The following SLC24A2 variants were observed in gnomAD, a reference collection of about 807,000 sequenced individuals.
SLC24A2 encodes the protein solute carrier family 24 member 2, also known as sodium/potassium/calcium exchanger 2.
SLC24A2 carries 36 observed loss-of-function variants against 62.0 expected under a neutral mutation model. The observed-to-expected ratio is 0.58, with a 90% CI of 0.44 to 0.77. The LOEUF (loss-of-function observed/expected upper bound fraction) is 0.77, where lower values mean the gene tolerates loss of function less well. Ranked by LOEUF, SLC24A2 falls within the 30% of genes least tolerant of loss-of-function variation. The pLI is 0.00. For synonymous variants in SLC24A2, 358 were observed against 294.0 expected, an observed-to-expected ratio of 1.22 and a Z score of -2.23; for missense variants, 846 against 817.9, an observed-to-expected ratio of 1.03 and a Z score of -0.42.
the SLC24A2 span, among the ~76,000 whole-genome samples, chr9:20,144,839 T>C: frequency 6.6e-6 from 1 of 152,000 alleles, no homozygotes; most frequent in African/African-American, 2.4e-5. Context: ...GAAATGTTAG[T>C]TTAAAAAAAA....
the SLC24A2 span, among the ~76,000 whole-genome samples, chr9:20,019,712 T>G: frequency 2.0e-5 from 3 of 152,162 alleles, no homozygotes; most frequent in Admixed American, 6.5e-5. Flanking sequence ...AAAGCCAAAA[T>G]TGACAAATGG....
At chr9:20,036,750 C>T in the SLC24A2 span, among the ~76,000 whole-genome samples, 4 of 151,818 alleles carry the variant, frequency 2.6e-5, no homozygotes, top group East Asian at 1.9e-4. Flanking sequence ...TATAGGATGC[C>T]GGAGGATACC....
the SLC24A2 span, among the ~76,000 whole-genome samples, chr9:20,071,111 C>T: frequency 6.6e-6 from 1 of 152,158 alleles, no homozygotes; most frequent in African/African-American, 2.4e-5. Flanking sequence ...TGCCTTCCAC[C>T]ATGATTGGAA....
At chr9:20,047,210 C>T in the SLC24A2 span, among the ~76,000 whole-genome samples, 1 of 152,122 alleles carries the variant, frequency 6.6e-6, no homozygotes, top group East Asian at 1.9e-4. Context: ...TTGAGAACAC[C>T]AGCTTTGGAG....
the SLC24A2 span, among the ~76,000 whole-genome samples, chr9:20,080,919 C>T: frequency 6.6e-6 from 1 of 152,046 alleles, no homozygotes; most frequent in African/African-American, 2.4e-5. Context: ...AAATCAAAAC[C>T]ACAATGAGAT....
intron 2 of SLC24A2, among the ~76,000 whole-genome samples, chr9:19,778,187 T>C (rs1402678584): frequency 2.0e-5 from 3 of 152,198 alleles, no homozygotes; most frequent in South Asian, 2.1e-4. Context: ...CCCTAAAATG[T>C]TGGAATATTA....
chr9:19,939,618 T>A, the SLC24A2 span, among the ~76,000 whole-genome samples: 23 of 152,192 alleles, frequency 1.5e-4, no homozygotes, highest in Admixed American at 5.2e-4. Flanking sequence ...CGGTAGACTT[T>A]ATAAATACTG....
chr9:20,278,815 C>T, the SLC24A2 span, among the ~76,000 whole-genome samples: 3 of 152,156 alleles, frequency 2.0e-5, no homozygotes, highest in African/African-American at 7.2e-5. Context: ...CATATCTTTA[C>T]AACAGTACCC....
At chr9:20,290,096 A>G in the SLC24A2 span, among the ~76,000 whole-genome samples, 1 of 152,160 alleles carries the variant, frequency 6.6e-6, no homozygotes, top group South Asian at 2.1e-4. Context: ...CAACCCCAAC[A>G]CAAACCCACC....
At chr9:20,073,899 T>C in the SLC24A2 span, among the ~76,000 whole-genome samples, 1 of 141,828 alleles carries the variant, frequency 7.1e-6, no homozygotes, top group Non-Finnish European at 1.5e-5. Flanking sequence ...TACACACATA[T>C]ATATATATCC....
chr9:19,539,560 G>C (rs536845540), intron 8 of SLC24A2, among the ~76,000 whole-genome samples: 4,444 of 116,868 alleles, frequency 0.038, 295 homozygotes, highest in African/African-American at 0.14. Context: ...TTGCACTGTG[G>C]TCTGGGAGAT....
chr9:19,904,056 C>G, the SLC24A2 span, among the ~76,000 whole-genome samples: 1 of 152,172 alleles, frequency 6.6e-6, no homozygotes, highest in African/African-American at 2.4e-5. Context: ...TGGTCAGCAG[C>G]CTAGAAGCTA....
At chr9:19,931,404 C>T in the SLC24A2 span, among the ~76,000 whole-genome samples, 1 of 152,086 alleles carries the variant, frequency 6.6e-6, no homozygotes, top group Non-Finnish European at 1.5e-5. Context: ...CACATAAAAC[C>T]AACAAGAGAA....
the SLC24A2 span, among the ~76,000 whole-genome samples, chr9:20,231,214 C>A: frequency 2.0e-5 from 3 of 152,112 alleles, no homozygotes; most frequent in African/African-American, 7.2e-5. Flanking sequence ...CTGGGCGATG[C>A]GGGCTCTTTT....
chr9:20,238,285 G>A, the SLC24A2 span, among the ~76,000 whole-genome samples: 3 of 152,118 alleles, frequency 2.0e-5, no homozygotes, highest in Non-Finnish European at 4.4e-5. Flanking sequence ...CCACAGAGAG[G>A]TGCAGTGTCT....
intron 2 of SLC24A2, among the ~76,000 whole-genome samples, chr9:19,707,489 G>A (rs1461311871): frequency 1.3e-5 from 2 of 152,156 alleles, no homozygotes. Context: ...GATGAACGTT[G>A]ATGCAAAAAT....
chr9:19,607,718 C>CAAAA (rs769291086), intron 4 of SLC24A2, among the ~76,000 whole-genome samples: 6 of 67,218 alleles, frequency 8.9e-5, no homozygotes, highest in South Asian at 5.8e-4. Flanking sequence ...GACTCTGTCT[C>CAAAA]AAAAAAAAAA....
chr9:19,784,812 A>G (rs1417691714), intron 2 of SLC24A2, among the ~76,000 whole-genome samples: 3 of 152,026 alleles, frequency 2.0e-5, no homozygotes, highest in Non-Finnish European at 2.9e-5. Context: ...AAGTAGAAAT[A>G]TTGCTAGTGT....
At chr9:20,115,789 T>G in the SLC24A2 span, among the ~76,000 whole-genome samples, 2 of 152,262 alleles carry the variant, frequency 1.3e-5, no homozygotes, top group Admixed American at 1.3e-4. Context: ...AAATGGACTA[T>G]CCATAGTGTG....
Sources: gnomAD v4.1 joint callset for allele counts (sites outside exome capture counted in the v4.1 genomes callset) on GRCh38, gnomAD v4.1.1 for gene constraint, MANE v1.5 for transcripts, NCBI Gene and HGNC (gene_info 2026-07-23, HGNC 2026-07-21) for gene names.